Variants in B3GALT1 observed in about 807,000 individuals in gnomAD.
B3GALT1 encodes the protein beta-1,3-galactosyltransferase 1.
Under a neutral mutation model 23.2 loss-of-function variants are expected in B3GALT1, and 10 were observed. The observed-to-expected ratio is 0.43, with a 90% CI of 0.27 to 0.73. The LOEUF is 0.73. Among genes scored for constraint, B3GALT1 ranks in the 30% least tolerant of loss-of-function variants. The pLI, the probability that B3GALT1 is intolerant of heterozygous loss-of-function variation, is 0.21. For missense variants in B3GALT1, 299 were observed against 405.4 expected (o/e 0.74, Z 2.25); for synonymous variants, 156 against 141.5 (o/e 1.10, Z -0.73).
intron 2 of B3GALT1, among the ~76,000 whole-genome samples, chr2:167,513,068 C>CAAAAA (rs544667836): frequency 2.8e-5 from 2 of 72,530 alleles, no homozygotes; most frequent in African/African-American, 4.3e-5. Flanking sequence ...ATTCATGCCA[C>CAAAAA]AAAAAAAAAA....
chr2:167,781,836 A>G (rs1262134051), intron 3 of B3GALT1, among the ~76,000 whole-genome samples: 1 of 152,054 alleles, frequency 6.6e-6, no homozygotes. Flanking sequence ...CTGCCTCCTG[A>G]ATTCAAGCAA....
chr2:167,424,339 A>G (rs2105303498), intron 1 of B3GALT1, among the ~76,000 whole-genome samples: 1 of 152,348 alleles, frequency 6.6e-6, no homozygotes, highest in South Asian at 2.1e-4. Context: ...TGTTATAGGC[A>G]TCTAAAAATG....
intron 3 of B3GALT1, among the ~76,000 whole-genome samples, chr2:167,666,884 A>G (rs1054220817): frequency 6.6e-6 from 1 of 152,148 alleles, no homozygotes; most frequent in Non-Finnish European, 1.5e-5. Context: ...AGCACACTGA[A>G]GAGTCTTGAC....
rs148004107 is a variant in B3GALT1 at position 167,822,803 on chromosome 2, CCTT to C, written c.-230+4015_-230+4017del. On this transcript the variant is annotated intron_variant, in intron 4 of 4. Transcript: ENST00000392690. ...AGATGTCCACAGTGAAAATTAAGCT[CCTT>C]CTTCCCTTACCCGAGGGCACTTTTT... Among the ~76,000 whole-genome samples the C allele has an allele frequency of 9.7e-3, 1,475 of 152,278 alleles. 28 individuals carry two copies. Among genetic ancestry groups the C allele is most frequent in the African/African-American group, 0.034 (1,406 of 41,552 alleles).
At chr2:167,336,216 A>C (rs1697055700) in intron 1 of B3GALT1, among the ~76,000 whole-genome samples, 1 of 152,166 alleles carries the variant, frequency 6.6e-6, no homozygotes, top group Admixed American at 6.5e-5. Flanking sequence ...CCTGAATCCT[A>C]CTGTTTTATG....
intron 2 of B3GALT1, among the ~76,000 whole-genome samples, chr2:167,561,702 C>G (rs1232387665): frequency 6.6e-6 from 1 of 152,198 alleles, no homozygotes; most frequent in Non-Finnish European, 1.5e-5. Context: ...AGTAGAAAAT[C>G]TAGAAGAAAT....
At chr2:167,835,919 G>C (rs1426047561) in intron 4 of B3GALT1, among the ~76,000 whole-genome samples, 1 of 152,130 alleles carries the variant, frequency 6.6e-6, no homozygotes, top group East Asian at 1.9e-4. Flanking sequence ...GGCAAACAGG[G>C]TCTGGAGTGG....
intron 2 of B3GALT1, among the ~76,000 whole-genome samples, chr2:167,581,725 C>A (rs1384015370): frequency 6.6e-6 from 1 of 152,186 alleles, no homozygotes; most frequent in East Asian, 1.9e-4. Flanking sequence ...ACATTAATTT[C>A]AGTAATGCAG....
intron 4 of B3GALT1, among the ~76,000 whole-genome samples, chr2:167,843,286 A>C (rs1689686207): frequency 6.6e-6 from 1 of 152,230 alleles, no homozygotes. Context: ...TTCACAGTTC[A>C]GGAAAGTAAG....
chr2:167,869,455 A>G lies in B3GALT1; in HGVS notation c.416A>G (p.Asp139Gly). 2 of 1,614,040 alleles carry G rather than the reference A, an allele frequency of 1.2e-6. No homozygotes were observed. Among genetic ancestry groups the G allele is most frequent in the Admixed American group, 1.7e-5 (1 of 60,028 alleles). ...GAGCAAGAGAGCCAAATCTTCCATG[A>G]TATCATCGTGGAGGACTTTATTGAC... ...MVEQESQIFH[D>G]IIVEDFIDSY... Residue 139 changes from aspartate to glycine, a missense_variant, in exon 5 of 5, where the codon GAT becomes GGT. Asp to Gly is a moderately conservative substitution (Grantham distance 94). Transcript: ENST00000392690. The surrounding 1 kb of genome is among the most constrained non-coding windows in gnomAD (Gnocchi z 6.4).
At chr2:167,504,223 T>C (rs1334201405) in intron 2 of B3GALT1, among the ~76,000 whole-genome samples, 1 of 152,232 alleles carries the variant, frequency 6.6e-6, no homozygotes, top group Non-Finnish European at 1.5e-5. Flanking sequence ...GAATGTCTTC[T>C]ATTATTTAGT....
intron 1 of B3GALT1, among the ~76,000 whole-genome samples, chr2:167,315,021 G>A (rs1696690879): frequency 6.6e-6 from 1 of 151,974 alleles, no homozygotes; most frequent in African/African-American, 2.4e-5. Flanking sequence ...TATCTCTTAA[G>A]CATTATTAAA....
intron 1 of B3GALT1, among the ~76,000 whole-genome samples, chr2:167,459,115 AAT>A (rs1357468184): frequency 2.0e-5 from 3 of 152,152 alleles, no homozygotes; most frequent in African/African-American, 7.2e-5. Context: ...CATTTAAAGT[AAT>A]TAGTGTCAAT....
chr2:167,567,703 A>G (rs919113152), intron 2 of B3GALT1, among the ~76,000 whole-genome samples: 5 of 152,072 alleles, frequency 3.3e-5, no homozygotes, highest in Admixed American at 6.6e-5. Context: ...GAATGGCACA[A>G]TTGTTACAAC....
intron 3 of B3GALT1, among the ~76,000 whole-genome samples, chr2:167,729,703 T>C (rs978005804): frequency 3.3e-5 from 5 of 152,132 alleles, no homozygotes; most frequent in African/African-American, 9.7e-5. Context: ...ATCACATCCA[T>C]CCGTCCTTTC....
chr2:167,775,151 ATTCT>A (rs2105313156), intron 3 of B3GALT1, among the ~76,000 whole-genome samples: 1 of 152,352 alleles, frequency 6.6e-6, no homozygotes, highest in African/African-American at 2.4e-5. Flanking sequence ...TAATAAGAAA[ATTCT>A]TTATACTGTT....
At chr2:167,655,109 TA>T (rs538510484) in intron 3 of B3GALT1, among the ~76,000 whole-genome samples, 6 of 152,104 alleles carry the variant, frequency 3.9e-5, no homozygotes, top group African/African-American at 4.8e-5. Context: ...TTAATCTTGA[TA>T]TTTTTTTACT....
At chr2:167,696,150 A>G (rs1388880793) in intron 3 of B3GALT1, among the ~76,000 whole-genome samples, 1 of 152,118 alleles carries the variant, frequency 6.6e-6, no homozygotes, top group Admixed American at 6.6e-5. Context: ...TTAAACATAT[A>G]CTTATTATAT....
intron 3 of B3GALT1, among the ~76,000 whole-genome samples, chr2:167,669,210 A>T (rs1386852558): frequency 1.3e-5 from 2 of 152,230 alleles, no homozygotes; most frequent in Non-Finnish European, 2.9e-5. Context: ...CAAAAGCTTC[A>T]TAAGGGCTAT....
Sources: gnomAD v4.1 joint callset for allele counts (sites outside exome capture counted in the v4.1 genomes callset) on GRCh38, gnomAD v4.1.1 for gene constraint, Gnocchi (gnomAD v3.1) non-coding constraint, MANE v1.5 for transcripts, NCBI Gene and HGNC (gene_info 2026-07-23, HGNC 2026-07-21) for gene names.